GPR108: variants seen among roughly 807,000 people sequenced by gnomAD.
The protein encoded by GPR108 is G protein-coupled receptor 108.
In GPR108, 60 loss-of-function variants were observed where a neutral mutation model predicts 74.3. The observed-to-expected ratio is 0.81, with a 90% confidence interval of 0.66 to 1.00. GPR108 has a LOEUF of 1.00. Ranked by LOEUF, GPR108 falls within the 50% of genes least tolerant of loss-of-function variation. GPR108 has a pLI of 0.00. For missense variants in GPR108, 667 were observed against 703.3 expected (o/e 0.95, Z 0.58); for synonymous variants, 311 against 292.4 (o/e 1.06, Z -0.65).
rs1968529390 is a variant in GPR108, at chr19:6,734,001, A to C, written c.549+4T>G. On this transcript the variant is annotated splice_donor_region_variant and intron_variant, in intron 6 of 17. Transcript: ENST00000264080. ...TCTTCCCTCCTGCCCCGCCTCCCCG[A>C]AACCTGAATCACTGCGGGTGTTGAC... 1.9e-6 allele frequency: 3 copies of C among 1,614,064 alleles called. No individual in the cohort carries two copies. The highest frequency in any genetic ancestry group is 2.5e-6 in the Non-Finnish European group (3 of 1,179,998).
Position 6,731,262 on chromosome 19 carries a change from G to A in GPR108, c.1371C>T (p.Phe457=). ...YYVMVICYVY[F]TRIIAILLQV... is the part of the protein sequence containing the mutation. ...GCAGCAGGATGGCGATGATGCGGGTGAAGTAGACGTAGCAGATGACCTGCA... is the reference window on the plus strand; with the variant it reads ...GCAGCAGGATGGCGATGATGCGGGTAAAGTAGACGTAGCAGATGACCTGCA... Residue 457 remains phenylalanine (F), a synonymous_variant, in exon 16 of 18, where the codon TTC becomes TTT. Transcript: ENST00000264080. 6.4e-7 allele frequency: 1 copy of A among 1,555,102 alleles called. No individual in the cohort carries two copies. Among genetic ancestry groups the A allele is most frequent in the Middle Eastern group, 1.7e-4 (1 of 5,750 alleles).
intron 17 of GPR108, 185 bp from the exon 18 acceptor site, chr19:6,730,569 C>A: frequency 3.3e-6 from 2 of 613,456 alleles, no homozygotes; most frequent in Non-Finnish European, 5.8e-6. Flanking sequence ...CCCTACCCTT[C>A]TACTCCAACC....
chr19:6,733,256 C>G lies in GPR108; in HGVS notation c.769G>C (p.Glu257Gln). The G allele has an allele frequency of 6.2e-7, 1 of 1,613,908 alleles. No homozygotes were observed. Among genetic ancestry groups the G allele is most frequent in the Non-Finnish European group, 8.5e-7 (1 of 1,180,020 alleles). Reference protein sequence around the residue: ...KNPDGFLSAAEMPLFKLYMVM... With the variant: ...KNPDGFLSAAQMPLFKLYMVM... ...ATGTAGAGCTTGAAAAGGGGCATCT[C>G]CGCTGCCGACAGGAAGCCATCGGGG... The change falls in exon 9 of 18, where the codon GAG (glutamate) becomes CAG (glutamine). Residue 257 changes from glutamate to glutamine, a missense_variant. Glu to Gln is a conservative substitution (Grantham distance 29, BLOSUM62 2). Coordinates refer to ENST00000264080, the MANE Select transcript of GPR108 (RefSeq NM_001080452.2).
intron 5 of GPR108, 63 bp downstream of exon 5, chr19:6,734,120 C>T: frequency 1.9e-6 from 3 of 1,613,906 alleles, no homozygotes; most frequent in East Asian, 2.2e-5. Flanking sequence ...GGGAAAACGG[C>T]ATGGGGAGTG....
intron 3 of GPR108, 83 bp from the exon 4 acceptor site, chr19:6,735,787 C>A: frequency 6.5e-7 from 1 of 1,532,656 alleles, no homozygotes; most frequent in Middle Eastern, 1.7e-4. Context: ...TGTCCACCCA[C>A]GGGATCTTCC....
At chr19:6,737,020 G>A (rs1452253743) in intron 1 of GPR108, 5 of 419,274 alleles carry the variant, frequency 1.2e-5, no homozygotes, top group African/African-American at 1.0e-4. Context: ...CCTTCCCGAA[G>A]AACTTTTACA....
intron 8 of GPR108, 105 bp from the exon 9 acceptor site, chr19:6,733,406 C>T: frequency 7.5e-7 from 1 of 1,329,408 alleles, no homozygotes; most frequent in Non-Finnish European, 1.0e-6. Flanking sequence ...TACTGGGCCA[C>T]TCATCCACTC....
At chr19:6,732,874 TG>T in intron 10 of GPR108, 112 bp downstream of exon 10, 1 of 920,428 alleles carries the variant, frequency 1.1e-6, no homozygotes, top group South Asian at 1.5e-5. Flanking sequence ...GGTGGACACG[TG>T]GATAGCTGGC....
At chr19:6,731,836 G>A in intron 14 of GPR108, 55 bp downstream of exon 14, 4 of 1,597,362 alleles carry the variant, frequency 2.5e-6, no homozygotes, top group Non-Finnish European at 8.5e-7. Flanking sequence ...CAGAAAGAAG[G>A]GCCCGGAGGA....
Position 6,730,054 on chromosome 19 carries a change from G to A in GPR108, c.*258C>T, listed in dbSNP as rs773811281. On this transcript the variant is annotated 3_prime_UTR_variant, in exon 18 of 18. Transcript: ENST00000264080. The stretch of plus-strand genomic sequence containing the variant: ...ACCCCCAAAAAGGCAAGACAACGGC[G>A]TAGCCAAACAGATTGGTCATTATTG... The A allele has an allele frequency of 5.1e-5, 26 of 513,740 alleles. No homozygotes were observed. The highest frequency in any genetic ancestry group is 4.8e-4 in the African/African-American group (25 of 52,042). The allele number at this position is 513,740 out of a possible 1,614,324, so 31.8% of individuals were successfully genotyped here. A position where few individuals can be genotyped will look rare whatever the true frequency, so the allele number is the denominator to read the frequency against.
At chr19:6,732,957 C>A in intron 10 of GPR108, 30 bp downstream of exon 10, 1 of 1,552,128 alleles carries the variant, frequency 6.4e-7, no homozygotes. Context: ...TCAGCCCACC[C>A]CCCGCTGCTC....
At chr19:6,736,435 T>C (rs1000435496) in intron 2 of GPR108, among the ~76,000 whole-genome samples, 157 bp downstream of exon 2, 1 of 152,176 alleles carries the variant, frequency 6.6e-6, no homozygotes, top group Non-Finnish European at 1.5e-5. Flanking sequence ...TAGCACATCC[T>C]GTGTAAGACA....
rs774951287 is a variant in GPR108, at chr19:6,732,378, A to G, written c.1010T>C (p.Leu337Pro). The change falls in exon 12 of 18, where the codon CTG becomes CCG. Residue 337 changes from leucine to proline, a missense_variant and splice_region_variant. Leu to Pro is a moderately conservative substitution (Grantham distance 98). Transcript: ENST00000264080. ...LAVMYYIAHL[L>P]KGALLFITIA... ...GGTGATGAAGAGGAGGGCGCCCTTC[A>G]GCCTGAAGGAGCAGGGGAGGGCGTG... 6.2e-7 allele frequency: 1 copy of G among 1,613,346 alleles called. No homozygotes were observed.
intron 8 of GPR108, 29 bp downstream of exon 8, chr19:6,733,541 C>G: frequency 6.3e-7 from 1 of 1,598,220 alleles, no homozygotes; most frequent in Non-Finnish European, 8.6e-7. Flanking sequence ...GGGGCGCTCC[C>G]TGGCCCTGCT....
Position 6,730,262 on chromosome 19 carries a change from G to GTGAGAAATGCTGGGGGAGGACGACCCTT in GPR108, c.*22_*49dup. The GTGAGAAATGCTGGGGGAGGACGACCCTT allele has an allele frequency of 1.3e-6, 2 of 1,524,938 alleles. No individual in the cohort carries two copies. The highest frequency in any genetic ancestry group is 1.8e-6 in the Non-Finnish European group (2 of 1,098,746). 94.5% of individuals were successfully genotyped at this position (1,524,938 alleles called of 1,614,324 possible). ...CATACGCTGTGGAAGAAGGGCAGGA[G>GTGAGAAATGCTGGGGGAGGACGACCCTT]TGAGAAATGCTGGGGGAGGACGACC... On this transcript the variant is annotated 3_prime_UTR_variant, in exon 18 of 18. Coordinates refer to ENST00000264080, the MANE Select transcript of GPR108 (RefSeq NM_001080452.2).
chr19:6,730,987 A>G lies in GPR108; in HGVS notation c.1559T>C (p.Val520Ala), dbSNP rs376649271. The G allele has an allele frequency of 9.6e-6, 15 of 1,565,652 alleles. No homozygotes were observed. In the African/African-American group the frequency reaches 1.8e-4, roughly 19 times the overall value. Reference protein sequence around the residue: ...EDEEDVQMEQVMTDSGFREGL... With the variant: ...EDEEDVQMEQAMTDSGFREGL... ...GCCCTGCCCATGGTGCCCAGCTCACACTTGCTCCATCTGAACATCCTCCTC... is the reference window on the plus strand; with the variant it reads ...GCCCTGCCCATGGTGCCCAGCTCACGCTTGCTCCATCTGAACATCCTCCTC... Residue 520 changes from valine (V) to alanine (A), a missense_variant and splice_region_variant, in exon 17 of 18, where the codon GTA becomes GCA. Physicochemically the swap from Val to Ala is moderately conservative, Grantham distance 64. Transcript: ENST00000264080.
chr19:6,731,791 G>T (rs956839466), intron 14 of GPR108, 100 bp downstream of exon 14: 13 of 1,375,404 alleles, frequency 9.5e-6, no homozygotes, highest in Middle Eastern at 2.4e-4. Flanking sequence ...AGGCCTGGGG[G>T]CTGGGCAGAG....
At chr19:6,735,862 C>T (rs1260260821) in intron 3 of GPR108, 46 bp downstream of exon 3, 5 of 1,590,170 alleles carry the variant, frequency 3.1e-6, no homozygotes, top group Non-Finnish European at 4.3e-6. Flanking sequence ...GACCCTACCC[C>T]CTCCCTCCAG....
At chr19:6,736,767 C>T in intron 1 of GPR108, 56 bp from the exon 2 acceptor site, 3 of 1,611,366 alleles carry the variant, frequency 1.9e-6, no homozygotes, top group Non-Finnish European at 2.5e-6. Flanking sequence ...CTGCCCAGCC[C>T]CAGGGGTCTG....
Sources: gnomAD v4.1 joint callset for allele counts (sites outside exome capture counted in the v4.1 genomes callset) on GRCh38, gnomAD v4.1.1 for gene constraint, MANE v1.5 for transcripts, NCBI Gene and HGNC (gene_info 2026-07-23, HGNC 2026-07-21) for gene names.